The following MEIG1 variants were observed in gnomAD, a reference collection of about 807,000 sequenced individuals.
MEIG1 encodes meiosis/spermiogenesis associated 1.
A neutral mutation model predicts 11.3 loss-of-function variants in MEIG1; 12 were observed. That is an observed-to-expected ratio of 1.07 (90% CI 0.68 to 1.73). The LOEUF (loss-of-function observed/expected upper bound fraction) is 1.73. Among genes scored for constraint, MEIG1 ranks in the 40% most tolerant of loss-of-function variants. The probability of loss-of-function intolerance (pLI) is 0.00; values close to 1 mark genes in which losing one functional copy is unlikely to be tolerated. For missense variants in MEIG1, 119 were observed against 104.9 expected (o/e 1.13, Z -0.59); for synonymous variants, 41 against 33.2 (o/e 1.24, Z -0.81).
chr10:14,985,843 C>A (rs1843313231), intron 1 of MEIG1, among the ~76,000 whole-genome samples: 2 of 151,772 alleles, frequency 1.3e-5, no homozygotes, highest in African/African-American at 4.8e-5. Flanking sequence ...TAGTGTATAC[C>A]CTGTGATAGT....
rs139056008 is a variant in MEIG1 at position 14,964,493 on chromosome 10, G to A, written c.-29-1947G>A. On this transcript the variant is annotated intron_variant, in intron 1 of 2. Transcript: ENST00000407572. ...GTATATTTAGCATGATTTTTACCCA[G>A]TATGAAGGATGGATATTTCTAATTA... 7.5e-3 allele frequency among the ~76,000 whole-genome samples: 1,137 copies of A among 150,908 alleles called. 20 individuals are homozygous for A. The highest frequency in any genetic ancestry group is 0.026 in the African/African-American group (1,070 of 41,138).
At position 14,963,894 on chromosome 10, in the gene MEIG1, C is replaced by G. The variant is rs190811318; in HGVS notation, c.-29-2546C>G. On this transcript the variant is annotated intron_variant, in intron 1 of 2. Transcript: ENST00000407572. Reference sequence around the variant, plus strand: ...CAGGCGGATCATGAGTTCAGGAGATCCAGAACATCCTGGCTAACACAGTGA... The same window carrying G: ...CAGGCGGATCATGAGTTCAGGAGATGCAGAACATCCTGGCTAACACAGTGA... Among the ~76,000 whole-genome samples the G allele has an allele frequency of 2.5e-3, 375 of 152,090 alleles. 2 individuals are homozygous for G. The highest frequency in any genetic ancestry group is 8.6e-3 in the African/African-American group (359 of 41,504).
chr10:14,969,489 T>A (rs187540722), intron 2 of MEIG1, among the ~76,000 whole-genome samples: 196 of 151,538 alleles, frequency 1.3e-3, no homozygotes, highest in African/African-American at 4.4e-3. Context: ...AAGAAAGTTG[T>A]CACAAGAATT....
chr10:14,957,661 G>A (rs570326663), upstream of MEIG1, among the ~76,000 whole-genome samples: 114 of 152,268 alleles, frequency 7.5e-4, no homozygotes, highest in African/African-American at 2.6e-3. Flanking sequence ...TTGAGACGGA[G>A]TCTCCCTCTA....
chr10:14,986,229 G>A (rs573740732), intron 1 of MEIG1, among the ~76,000 whole-genome samples: 1 of 152,150 alleles, frequency 6.6e-6, no homozygotes, highest in Non-Finnish European at 1.5e-5. Context: ...GGAGGTGGAG[G>A]CAGAAGAATC....
chr10:14,983,146 G>T (rs1263488443), intron 1 of MEIG1, among the ~76,000 whole-genome samples: 1 of 151,984 alleles, frequency 6.6e-6, no homozygotes, highest in African/African-American at 2.4e-5. Context: ...GTTTAATATC[G>T]CAGTAGCTGT....
At chr10:14,979,120 C>T (rs1843239492) in intron 1 of MEIG1, among the ~76,000 whole-genome samples, 2 of 151,990 alleles carry the variant, frequency 1.3e-5, no homozygotes, top group Admixed American at 1.3e-4. Flanking sequence ...TCCTATGTCA[C>T]ATGGGGTGTA....
upstream of MEIG1, among the ~76,000 whole-genome samples, chr10:14,955,349 C>T (rs1366331028): frequency 1.3e-5 from 2 of 152,154 alleles, no homozygotes; most frequent in African/African-American, 2.4e-5. Context: ...TCCACAGAGA[C>T]GCAAGGTAAC....
At chr10:14,963,926 G>A (rs1469244721) in intron 1 of MEIG1, among the ~76,000 whole-genome samples, 2 of 151,918 alleles carry the variant, frequency 1.3e-5, no homozygotes, top group African/African-American at 4.8e-5. Flanking sequence ...GTGAAACCCC[G>A]TCTCTACTAA....
chr10:14,972,548 A>G lies in MEIG1; in HGVS notation c.174A>G (p.Lys58=), dbSNP rs778710967. 2 of 1,614,122 alleles carry G rather than the reference A, an allele frequency of 1.2e-6. No individual in the cohort carries two copies. The highest frequency in any genetic ancestry group is 1.7e-6 in the Non-Finnish European group (2 of 1,179,992). Residue 58 remains lysine, a synonymous_variant, in exon 3 of 3, where the codon AAA becomes AAG. Coordinates refer to ENST00000407572, the MANE Select transcript of MEIG1 (RefSeq NM_001080836.3). The part of the protein sequence containing the change: ...DRWPETGYVK[K]LQRRDNTFYY... ...GGCCGGAGACAGGATATGTGAAGAA[A>G]CTTCAGAGAAGGGACAATACGTTCT...
chr10:14,958,940 C>T (rs977130577), upstream of MEIG1, among the ~76,000 whole-genome samples: 6 of 152,082 alleles, frequency 3.9e-5, no homozygotes, highest in Non-Finnish European at 8.8e-5. Context: ...TATCTTGAAT[C>T]TGATCACTTT....
At chr10:14,979,562 C>T (rs1042375302) in intron 1 of MEIG1, among the ~76,000 whole-genome samples, 8 of 151,786 alleles carry the variant, frequency 5.3e-5, no homozygotes, top group African/African-American at 1.7e-4. Context: ...AATATTCTAG[C>T]GGGATTTTAC....
chr10:14,979,657 A>C (rs973924137), intron 1 of MEIG1, among the ~76,000 whole-genome samples: 1 of 152,052 alleles, frequency 6.6e-6, no homozygotes, highest in Admixed American at 6.5e-5. Flanking sequence ...CATGGGGTGT[A>C]CACCCTGGGA....
chr10:14,974,507 C>T (rs761111107), downstream of MEIG1, among the ~76,000 whole-genome samples: 4 of 152,018 alleles, frequency 2.6e-5, no homozygotes, highest in African/African-American at 7.3e-5. Flanking sequence ...CCCAGTATAC[C>T]GCTGCTCTCT....
upstream of MEIG1, among the ~76,000 whole-genome samples, chr10:14,955,045 C>A (rs907523554): frequency 3.9e-5 from 6 of 152,222 alleles, no homozygotes; most frequent in African/African-American, 1.4e-4. Flanking sequence ...GATTCTCCTG[C>A]CTCAGCCTCC....
intron 1 of MEIG1, among the ~76,000 whole-genome samples, chr10:14,981,973 C>G (rs796951549): frequency 4.6e-5 from 7 of 152,306 alleles, no homozygotes; most frequent in African/African-American, 1.7e-4. Flanking sequence ...TTACAAACAC[C>G]TGCTTAGCTC....
At chr10:14,981,642 C>T (rs1487231247) in intron 1 of MEIG1, among the ~76,000 whole-genome samples, 2 of 152,172 alleles carry the variant, frequency 1.3e-5, no homozygotes, top group Admixed American at 6.5e-5. Context: ...CGCTTGAGCC[C>T]GGTCTCCCTC....
chr10:14,967,509 T>A, intron 2 of MEIG1, among the ~76,000 whole-genome samples: 1 of 151,178 alleles, frequency 6.6e-6, no homozygotes, highest in Admixed American at 6.6e-5. Flanking sequence ...AAGATATTTT[T>A]TTTTTTTTTT....
At chr10:14,981,864 G>T (rs1458087898) in intron 1 of MEIG1, among the ~76,000 whole-genome samples, 1 of 152,182 alleles carries the variant, frequency 6.6e-6, no homozygotes, top group African/African-American at 2.4e-5. Flanking sequence ...TCTTTGGGGG[G>T]ACCCCTCTGA....
Sources: gnomAD v4.1 joint callset for allele counts (sites outside exome capture counted in the v4.1 genomes callset) on GRCh38, gnomAD v4.1.1 for gene constraint, MANE v1.5 for transcripts, NCBI Gene and HGNC (gene_info 2026-07-23, HGNC 2026-07-21) for gene names.